ATXN7L1: variants seen among roughly 807,000 people sequenced by gnomAD.
The protein encoded by ATXN7L1 is ataxin 7 like 1, also known as ataxin-7-like protein 1.
A neutral mutation model predicts 70.8 loss-of-function variants in ATXN7L1; 15 were observed. The ratio of observed to expected loss-of-function variants is 0.21; its 90% CI spans 0.14 to 0.33. The LOEUF is 0.33. ATXN7L1 is among the 10% of genes least tolerant of loss of function. ATXN7L1 has a pLI of 1.00. For missense variants in ATXN7L1, 975 were observed against 1,097.1 expected (o/e 0.89, Z 1.57); for synonymous variants, 440 against 445.1 (o/e 0.99, Z 0.14).
intron 4 of ATXN7L1, among the ~76,000 whole-genome samples, chr7:105,647,064 T>G (rs941372584): frequency 2.0e-5 from 3 of 152,212 alleles, no homozygotes; most frequent in African/African-American, 7.2e-5. Flanking sequence ...ACTTCAAGTG[T>G]TGATATGAAC....
chr7:105,848,139 C>T (rs151117769), intron 2 of ATXN7L1, among the ~76,000 whole-genome samples: 371 of 152,196 alleles, frequency 2.4e-3, no homozygotes, highest in Non-Finnish European at 4.7e-3. Flanking sequence ...ACAAAGCTAA[C>T]GAAATGTTCA....
At chr7:105,797,706 CCTT>C (rs1472750957) in intron 2 of ATXN7L1, among the ~76,000 whole-genome samples, 1 of 152,208 alleles carries the variant, frequency 6.6e-6, no homozygotes, top group East Asian at 1.9e-4. Flanking sequence ...TTATCTGTGG[CCTT>C]CTTCTCATCT....
chr7:105,806,176 C>G (rs1342143857), intron 2 of ATXN7L1, among the ~76,000 whole-genome samples: 1 of 152,046 alleles, frequency 6.6e-6, no homozygotes, highest in Non-Finnish European at 1.5e-5. Context: ...TGAACTGCGT[C>G]CCCCTGGATT....
chr7:105,851,539 AC>A (rs1245548896), intron 2 of ATXN7L1, among the ~76,000 whole-genome samples: 1 of 152,008 alleles, frequency 6.6e-6, no homozygotes, highest in Non-Finnish European at 1.5e-5. Flanking sequence ...AACAGGGAGG[AC>A]TCTTCCTCAG....
chr7:105,873,349 C>T (rs1052596776), intron 2 of ATXN7L1, among the ~76,000 whole-genome samples: 8 of 152,282 alleles, frequency 5.3e-5, no homozygotes, highest in Middle Eastern at 3.4e-3. Context: ...AGCACAGGTA[C>T]ACAGCCACAC....
chr7:105,748,237 G>C (rs535478377), intron 3 of ATXN7L1, among the ~76,000 whole-genome samples: 2 of 152,308 alleles, frequency 1.3e-5, no homozygotes, highest in Non-Finnish European at 2.9e-5. Flanking sequence ...ATGATTATGG[G>C]AAGACATATT....
chr7:105,841,783 C>T (rs1813247654), intron 2 of ATXN7L1, among the ~76,000 whole-genome samples: 1 of 152,178 alleles, frequency 6.6e-6, no homozygotes, highest in Non-Finnish European at 1.5e-5. Flanking sequence ...TAAACTATCA[C>T]AGTATGTACG....
At chr7:105,757,793 T>G (rs1292920407) in intron 3 of ATXN7L1, among the ~76,000 whole-genome samples, 1 of 151,592 alleles carries the variant, frequency 6.6e-6, no homozygotes, top group African/African-American at 2.4e-5. Context: ...TCTCATTATA[T>G]TGCCCAGGCT....
intron 3 of ATXN7L1, among the ~76,000 whole-genome samples, chr7:105,778,784 T>G (rs1803134455): frequency 6.6e-6 from 1 of 152,254 alleles, no homozygotes; most frequent in Non-Finnish European, 1.5e-5. Context: ...TGGTACCCAC[T>G]CCATCTCTTC....
At chr7:105,870,542 A>G (rs1435437044) in intron 2 of ATXN7L1, among the ~76,000 whole-genome samples, 1 of 152,178 alleles carries the variant, frequency 6.6e-6, no homozygotes, top group Non-Finnish European at 1.5e-5. Context: ...ATCTCATTTA[A>G]TCATCACAAC....
At chr7:105,736,246 G>A (rs933501180) in intron 3 of ATXN7L1, among the ~76,000 whole-genome samples, 6 of 152,238 alleles carry the variant, frequency 3.9e-5, no homozygotes, top group Admixed American at 2.0e-4. Flanking sequence ...GAACAGGGAA[G>A]CTGAAAACAT....
At chr7:105,709,347 ATTT>A (rs377542960) in intron 3 of ATXN7L1, among the ~76,000 whole-genome samples, 10,560 of 151,690 alleles carry the variant, frequency 0.07, 390 homozygotes, top group East Asian at 0.14. Context: ...AAAAAAAAGA[ATTT>A]TTTTTCTATA....
At chr7:105,626,269 G>A (rs1344040128) in intron 7 of ATXN7L1, among the ~76,000 whole-genome samples, 1 of 152,160 alleles carries the variant, frequency 6.6e-6, no homozygotes, top group East Asian at 1.9e-4. Flanking sequence ...AATGAAATAA[G>A]CCAGACACAA....
At chr7:105,744,984 T>C (rs1013740664) in intron 3 of ATXN7L1, among the ~76,000 whole-genome samples, 1 of 152,050 alleles carries the variant, frequency 6.6e-6, no homozygotes, top group African/African-American at 2.4e-5. Flanking sequence ...GTGATCCATC[T>C]GCCTTAGCCT....
At chr7:105,795,086 C>T (rs186419424) in intron 2 of ATXN7L1, among the ~76,000 whole-genome samples, 119 of 152,274 alleles carry the variant, frequency 7.8e-4, no homozygotes, top group African/African-American at 2.7e-3. Context: ...GCCTTCCTCC[C>T]GCTGAAATCT....
At chr7:105,861,166 T>G (rs1287095424) in intron 2 of ATXN7L1, among the ~76,000 whole-genome samples, 1 of 152,036 alleles carries the variant, frequency 6.6e-6, no homozygotes, top group Non-Finnish European at 1.5e-5. Flanking sequence ...GGACTCCACT[T>G]GTCCAAAGTG....
chr7:105,785,330 G>A (rs1480068628), intron 3 of ATXN7L1, among the ~76,000 whole-genome samples: 2 of 152,182 alleles, frequency 1.3e-5, no homozygotes, highest in Non-Finnish European at 2.9e-5. Context: ...GCCAAGTGTG[G>A]TGGCGGGCAC....
chr7:105,866,423 T>C (rs905513817), intron 2 of ATXN7L1, among the ~76,000 whole-genome samples: 8 of 152,200 alleles, frequency 5.3e-5, no homozygotes, highest in African/African-American at 1.9e-4. Flanking sequence ...AAGGATAAAG[T>C]GTCTCCATAA....
intron 3 of ATXN7L1, among the ~76,000 whole-genome samples, chr7:105,681,440 T>G (rs1179023850): frequency 6.6e-6 from 1 of 152,156 alleles, no homozygotes; most frequent in Non-Finnish European, 1.5e-5. Context: ...GGATCCCTCG[T>G]GCACTGTTGG....
Sources: gnomAD v4.1 joint callset for allele counts (sites outside exome capture counted in the v4.1 genomes callset) on GRCh38, gnomAD v4.1.1 for gene constraint, MANE v1.5 for transcripts, NCBI Gene and HGNC (gene_info 2026-07-23, HGNC 2026-07-21) for gene names.